Variants in PAK1 observed in about 807,000 individuals in gnomAD.
The protein encoded by PAK1 is p21 (RAC1) activated kinase 1.
A neutral mutation model predicts 67.4 loss-of-function variants in PAK1; 29 were observed. That is an observed-to-expected ratio of 0.43 (90% confidence interval 0.32 to 0.59). PAK1 has a LOEUF of 0.59. PAK1 is among the 20% of genes least tolerant of loss of function. The pLI is 0.07. For synonymous variants in PAK1, 223 were observed against 237.4 expected, an observed-to-expected ratio of 0.94 and a Z score of 0.56; for missense variants, 337 against 670.7, an observed-to-expected ratio of 0.50 and a Z score of 5.50.
chr11:77,490,779 T>C, the PAK1 span, among the ~76,000 whole-genome samples: 1 of 152,226 alleles, frequency 6.6e-6, no homozygotes, highest in Non-Finnish European at 1.5e-5. Flanking sequence ...TTTTGTTCTG[T>C]ACTAAGAAAA....
chr11:77,518,246 T>C, the PAK1 span, among the ~76,000 whole-genome samples: 3 of 152,206 alleles, frequency 2.0e-5, no homozygotes, highest in Non-Finnish European at 2.9e-5. Flanking sequence ...ATAAATTAAT[T>C]TGAATACTTT....
chr11:77,460,964 T>C (rs577388977), intron 1 of PAK1, among the ~76,000 whole-genome samples: 3 of 152,230 alleles, frequency 2.0e-5, no homozygotes, highest in East Asian at 1.9e-4. Flanking sequence ...TTTCCAGAGA[T>C]AGAAAACACA....
intron 1 of PAK1, among the ~76,000 whole-genome samples, chr11:77,460,618 GGGTAACTCA>G (rs1957302296): frequency 6.6e-6 from 1 of 151,928 alleles, no homozygotes; most frequent in African/African-American, 2.4e-5. Flanking sequence ...ATGATGCTTA[GGGTAACTCA>G]GTAGAAGGCA....
At chr11:77,518,787 A>AT in the PAK1 span, among the ~76,000 whole-genome samples, 1 of 152,138 alleles carries the variant, frequency 6.6e-6, no homozygotes, top group African/African-American at 2.4e-5. Flanking sequence ...TGTTCCATTG[A>AT]TATACATGGA....
chr11:77,506,536 T>C, the PAK1 span, among the ~76,000 whole-genome samples: 1 of 152,266 alleles, frequency 6.6e-6, no homozygotes, highest in Middle Eastern at 3.4e-3. Flanking sequence ...CGATTTGTAT[T>C]TTATAATCAT....
intron 12 of PAK1, 55 bp from the exon 13 acceptor site, chr11:77,336,337 G>GT (rs1241347509): frequency 8.7e-6 from 12 of 1,376,698 alleles, no homozygotes; most frequent in Non-Finnish European, 1.2e-5. Flanking sequence ...ACTCACTTCA[G>GT]TAAGTGTTGA....
chr11:77,368,051 A>C (rs1947852054), intron 5 of PAK1, among the ~76,000 whole-genome samples: 1 of 152,240 alleles, frequency 6.6e-6, no homozygotes, highest in African/African-American at 2.4e-5. Flanking sequence ...AAAAGAAGCA[A>C]GGGGAAGAAA....
chr11:77,431,847 T>G (rs937642719), intron 1 of PAK1, among the ~76,000 whole-genome samples: 8 of 152,190 alleles, frequency 5.3e-5, no homozygotes, highest in African/African-American at 1.9e-4. Context: ...AGGATATACC[T>G]GAAGTCACAA....
intron 1 of PAK1, among the ~76,000 whole-genome samples, chr11:77,440,635 C>A (rs188991525): frequency 9.2e-5 from 14 of 152,272 alleles, no homozygotes; most frequent in Admixed American, 4.6e-4. Flanking sequence ...CCATTAATTT[C>A]CAGGCTTCTA....
chr11:77,437,231 G>T (rs533515271), intron 1 of PAK1, among the ~76,000 whole-genome samples: 4 of 152,272 alleles, frequency 2.6e-5, no homozygotes, highest in East Asian at 1.9e-4. Flanking sequence ...CAGAGTGATT[G>T]TAAGTATTAA....
intron 1 of PAK1, among the ~76,000 whole-genome samples, chr11:77,417,422 C>G (rs997445160): frequency 1.6e-4 from 24 of 152,130 alleles, no homozygotes; most frequent in African/African-American, 5.8e-4. Context: ...AAAGGCTAAA[C>G]TATAGAAATA....
intron 9 of PAK1, 53 bp from the exon 10 acceptor site, chr11:77,343,984 G>C (rs1289315509): frequency 8.5e-7 from 1 of 1,170,964 alleles, no homozygotes; most frequent in Non-Finnish European, 1.3e-6. Flanking sequence ...CATTTATTGA[G>C]CACCTGCTAA....
the PAK1 span, among the ~76,000 whole-genome samples, chr11:77,509,873 C>T: frequency 6.6e-6 from 1 of 152,172 alleles, no homozygotes; most frequent in African/African-American, 2.4e-5. Flanking sequence ...TCCTGTACAG[C>T]CTGCAGAACC....
intron 1 of PAK1, among the ~76,000 whole-genome samples, chr11:77,434,553 T>A (rs1375930421): frequency 6.6e-6 from 1 of 151,928 alleles, no homozygotes; most frequent in Non-Finnish European, 1.5e-5. Flanking sequence ...GCTCAAGCGA[T>A]CTTCCCACCT....
intron 14 of PAK1, among the ~76,000 whole-genome samples, chr11:77,324,448 C>G (rs1045497261): frequency 6.6e-6 from 1 of 152,152 alleles, no homozygotes; most frequent in Non-Finnish European, 1.5e-5. Flanking sequence ...GCTGGGATAA[C>G]AGGCATGAGC....
intron 1 of PAK1, among the ~76,000 whole-genome samples, chr11:77,421,092 G>A (rs557262378): frequency 7.5e-4 from 114 of 152,230 alleles, no homozygotes; most frequent in Non-Finnish European, 1.4e-3. Context: ...AAAAGCCAAA[G>A]TCCTTAGAAA....
At chr11:77,330,375 C>T (rs2136068963) in intron 14 of PAK1, among the ~76,000 whole-genome samples, 1 of 152,296 alleles carries the variant, frequency 6.6e-6, no homozygotes, top group South Asian at 2.1e-4. Flanking sequence ...CACTACCTGA[C>T]TTCAAACTAT....
At chr11:77,371,491 T>G (rs1005823291) in intron 5 of PAK1, among the ~76,000 whole-genome samples, 1 of 152,146 alleles carries the variant, frequency 6.6e-6, no homozygotes, top group Non-Finnish European at 1.5e-5. Flanking sequence ...AGGGTATGAG[T>G]GAATACATGA....
At chr11:77,369,277 AT>A (rs1174535964) in intron 5 of PAK1, among the ~76,000 whole-genome samples, 1 of 146,652 alleles carries the variant, frequency 6.8e-6, no homozygotes, top group South Asian at 2.2e-4. Flanking sequence ...TTTTTCTTCT[AT>A]TTTTTCTTTA....
Sources: gnomAD v4.1 joint callset for allele counts (sites outside exome capture counted in the v4.1 genomes callset) on GRCh38, gnomAD v4.1.1 for gene constraint, MANE v1.5 for transcripts, NCBI Gene and HGNC (gene_info 2026-07-23, HGNC 2026-07-21) for gene names.